The following POU3F3 variants were observed in gnomAD, a reference collection of about 807,000 sequenced individuals.
POU3F3 encodes POU domain, class 3, transcription factor 3.
A neutral mutation model predicts 8.6 loss-of-function variants in POU3F3; 1 was observed. The ratio of observed to expected loss-of-function variants is 0.12; its 90% confidence interval spans 0.04 to 0.55. POU3F3 has a LOEUF of 0.55. Among genes scored for constraint, POU3F3 ranks in the 20% least tolerant of loss-of-function variants. The pLI is 0.91. For missense variants in POU3F3, 577 were observed against 690.7 expected (o/e 0.84, Z 1.84); for synonymous variants, 418 against 327.4 (o/e 1.28, Z -2.99).
the POU3F3 span, among the ~76,000 whole-genome samples, chr2:104,919,384 G>A: frequency 6.6e-6 from 1 of 152,102 alleles, no homozygotes; most frequent in Admixed American, 6.5e-5. Flanking sequence ...GTCCTTCTTG[G>A]CAGCTGTCCA....
the POU3F3 span, among the ~76,000 whole-genome samples, chr2:104,902,349 G>C: frequency 6.6e-6 from 1 of 152,166 alleles, no homozygotes; most frequent in African/African-American, 2.4e-5. Flanking sequence ...AGAGCATTTC[G>C]GCATTGCAGA....
At chr2:104,910,456 G>T in the POU3F3 span, among the ~76,000 whole-genome samples, 2 of 151,918 alleles carry the variant, frequency 1.3e-5, no homozygotes, top group Non-Finnish European at 2.9e-5. Flanking sequence ...TTATTCCACC[G>T]ACAGCCATGC....
chr2:104,873,340 G>C, the POU3F3 span, among the ~76,000 whole-genome samples: 1 of 152,156 alleles, frequency 6.6e-6, no homozygotes, highest in Non-Finnish European at 1.5e-5. Flanking sequence ...CTTCTCTCCG[G>C]GAGAGTGGCC....
At chr2:104,894,758 A>G in the POU3F3 span, among the ~76,000 whole-genome samples, 1 of 151,632 alleles carries the variant, frequency 6.6e-6, no homozygotes, top group Non-Finnish European at 1.5e-5. Flanking sequence ...GATCATTATA[A>G]ACGACCCTAC....
the POU3F3 span, among the ~76,000 whole-genome samples, chr2:104,913,662 G>C: frequency 2.0e-5 from 3 of 152,208 alleles, no homozygotes; most frequent in Non-Finnish European, 4.4e-5. Context: ...CCAAGGCCCA[G>C]ACAAGAGCTA....
At chr2:104,926,348 GA>G in the POU3F3 span, among the ~76,000 whole-genome samples, 3 of 152,038 alleles carry the variant, frequency 2.0e-5, no homozygotes, top group African/African-American at 7.3e-5. Flanking sequence ...ATAAACATAT[GA>G]AAAAAAGCTC....
the POU3F3 span, among the ~76,000 whole-genome samples, chr2:104,913,494 T>C: frequency 6.6e-6 from 1 of 152,172 alleles, no homozygotes; most frequent in South Asian, 2.1e-4. Context: ...TCACCCTCTG[T>C]GTCTATCAGA....
At chr2:104,904,970 A>G in the POU3F3 span, among the ~76,000 whole-genome samples, 1 of 152,202 alleles carries the variant, frequency 6.6e-6, no homozygotes, top group African/African-American at 2.4e-5. Flanking sequence ...AAATGGAGCC[A>G]TTATTCCAGA....
chr2:104,896,224 C>A, the POU3F3 span, among the ~76,000 whole-genome samples: 1 of 152,218 alleles, frequency 6.6e-6, no homozygotes, highest in Non-Finnish European at 1.5e-5. Context: ...ATCCCCATAC[C>A]TGTTAGACCT....
the POU3F3 span, among the ~76,000 whole-genome samples, chr2:104,906,268 A>G: frequency 1.3e-5 from 2 of 152,350 alleles, no homozygotes; most frequent in African/African-American, 4.8e-5. Context: ...CTAGTTCGCA[A>G]TCTGCATGTA....
At chr2:104,918,175 T>C in the POU3F3 span, among the ~76,000 whole-genome samples, 1 of 152,240 alleles carries the variant, frequency 6.6e-6, no homozygotes, top group Non-Finnish European at 1.5e-5. Context: ...AGCCTACATC[T>C]GGATACTGCA....
At chr2:104,920,149 G>A in the POU3F3 span, among the ~76,000 whole-genome samples, 1 of 152,148 alleles carries the variant, frequency 6.6e-6, no homozygotes, top group Admixed American at 6.5e-5. Context: ...CGAGCACCTG[G>A]AATTACAGGC....
At chr2:104,926,345 T>G in the POU3F3 span, among the ~76,000 whole-genome samples, 1 of 151,968 alleles carries the variant, frequency 6.6e-6, no homozygotes, top group Non-Finnish European at 1.5e-5. Context: ...CCAATAAACA[T>G]ATGAAAAAAA....
In POU3F3 at chr2:104,856,418, C is replaced by T. The variant is rs1167041062; in HGVS notation, c.908C>T (p.Pro303Leu). Reference sequence around the variant, plus strand: ...GGCGGCGGCGGCGGCGGCGCGGGGCCTGGACTCAACAGCCACGACCCGCAC... The same window carrying T: ...GGCGGCGGCGGCGGCGGCGCGGGGCTTGGACTCAACAGCCACGACCCGCAC... ...HHGGGGGGAG[P>L]GLNSHDPHSD... The change falls in exon 1 of 1, where the codon CCT (proline) becomes CTT (leucine). Residue 303 changes from proline to leucine, a missense_variant. This residue lies in a region of POU3F3 where 484 missense variants were observed against 422.6 expected (regional missense o/e 1.15). Transcript: ENST00000361360. The T allele has an allele frequency of 6.2e-7, 1 of 1,603,710 alleles. No individual in the cohort carries two copies. Among genetic ancestry groups the T allele is most frequent in the Non-Finnish European group, 8.5e-7 (1 of 1,176,190 alleles).
chr2:104,914,684 G>A, the POU3F3 span, among the ~76,000 whole-genome samples: 2 of 152,192 alleles, frequency 1.3e-5, no homozygotes, highest in Non-Finnish European at 2.9e-5. Context: ...AGACGGCTTA[G>A]GGACTTTTGC....
At chr2:104,916,788 C>A in the POU3F3 span, among the ~76,000 whole-genome samples, 131 of 152,252 alleles carry the variant, frequency 8.6e-4, no homozygotes, top group African/African-American at 3.1e-3. Flanking sequence ...ACAGAGAGAG[C>A]AAATCCCACA....
At chr2:104,871,581 G>A in the POU3F3 span, among the ~76,000 whole-genome samples, 1 of 152,254 alleles carries the variant, frequency 6.6e-6, no homozygotes, top group East Asian at 1.9e-4. Flanking sequence ...GTCAGTAAAC[G>A]GAAGCCAGCC....
chr2:104,868,240 C>A, the POU3F3 span: 20 of 456,448 alleles, frequency 4.4e-5, no homozygotes, highest in Admixed American at 9.4e-5. Flanking sequence ...ACCTCGCGGT[C>A]TCAGGAGTGG....
chr2:104,878,947 C>G, the POU3F3 span, among the ~76,000 whole-genome samples: 21 of 151,938 alleles, frequency 1.4e-4, no homozygotes, highest in East Asian at 3.3e-3. Flanking sequence ...AAATGCAACA[C>G]ACAAATACAA....
Sources: allele counts gnomAD v4.1 joint callset (sites outside exome capture counted in the v4.1 genomes callset), GRCh38; gene constraint gnomAD v4.1.1; regional missense constraint gnomAD v4.1.1; transcripts MANE v1.5; gene names NCBI Gene and HGNC (gene_info 2026-07-23, HGNC 2026-07-21).